Variants in MAP3K10 observed in about 807,000 individuals in gnomAD.
The protein encoded by MAP3K10 is MKN28 derived nonreceptor_type serine/threonine kinase.
Under a neutral mutation model 75.0 loss-of-function variants are expected in MAP3K10, and 22 were observed. The ratio of observed to expected loss-of-function variants is 0.29; its 90% confidence interval spans 0.21 to 0.42. The LOEUF (loss-of-function observed/expected upper bound fraction) is 0.42. Among genes scored for constraint, MAP3K10 ranks in the 10% least tolerant of loss-of-function variants. MAP3K10 has a pLI of 1.00. For missense variants in MAP3K10, 1,165 were observed against 1,379.8 expected (o/e 0.84, Z 2.47); for synonymous variants, 599 against 612.9 (o/e 0.98, Z 0.34).
At position 40,192,869 on chromosome 19, in the gene MAP3K10, T is replaced by G. The variant is rs954970047; in HGVS notation, c.682+156T>G. ...TTCAGGGTGAAGGTGAGGTAGGCCT[T>G]GCCTGCCTTAAGGGAGAAAAAGGAG... On this transcript the variant is annotated intron_variant, in intron 1 of 9. Transcript: ENST00000253055. The surrounding 1 kb of genome is among the most constrained non-coding windows in gnomAD (Gnocchi z 7.1). Among the ~76,000 whole-genome samples the G allele has an allele frequency of 6.6e-6, 1 of 152,178 alleles. No individual in the cohort carries two copies. The highest frequency in any genetic ancestry group is 1.5e-5 in the Non-Finnish European group (1 of 68,024).
At chr19:40,201,702 C>T (rs958866631) in intron 2 of MAP3K10, among the ~76,000 whole-genome samples, 1 of 151,388 alleles carries the variant, frequency 6.6e-6, no homozygotes, top group Admixed American at 6.6e-5. Context: ...ACGCTGGTCT[C>T]GATCTCTTGG....
chr19:40,200,909 C>T (rs1261370670), intron 2 of MAP3K10, among the ~76,000 whole-genome samples: 5 of 151,794 alleles, frequency 3.3e-5, no homozygotes, highest in African/African-American at 4.8e-5. Flanking sequence ...TGCACCCGGC[C>T]GGGCAGGCTA....
Position 40,213,939 on chromosome 19 carries a change from G to A in MAP3K10, c.2260G>A (p.Asp754Asn). 3 of 1,529,576 alleles carry A rather than the reference G, an allele frequency of 2.0e-6. No homozygotes were observed. Among genetic ancestry groups the A allele is most frequent in the Middle Eastern group, 1.7e-4 (1 of 5,876 alleles). The allele number at this position is 1,529,576 out of a possible 1,614,324, so 94.8% of individuals were successfully genotyped here. ...ATLVSLSSVS[D>N]CNSTRSLLRS... ...CCTCGTGTCGCTGTCGTCCGTGTCC[G>A]ACTGCAACTCCACGCGTTCACTGCT... The change falls in exon 9 of 10, where the codon GAC becomes AAC. Residue 754 changes from aspartate to asparagine, a missense_variant. By Grantham distance (23) the Asp-to-Asn change is conservative. Transcript: ENST00000253055. The surrounding 1 kb of genome is among the most constrained non-coding windows in gnomAD (Gnocchi z 5.7).
In MAP3K10 at chr19:40,215,490, G is replaced by T; in HGVS notation, c.*198G>T. ...AGCCCTGTGCCCACCCTGCACTGGGGGGAGGGTGGGCAGGGATACTCAGGG... is the reference window on the plus strand; with the variant it reads ...AGCCCTGTGCCCACCCTGCACTGGGTGGAGGGTGGGCAGGGATACTCAGGG... On this transcript the variant is annotated 3_prime_UTR_variant, in exon 10 of 10. Coordinates refer to ENST00000253055, the MANE Select transcript of MAP3K10 (RefSeq NM_002446.4). 3.4e-6 allele frequency: 2 copies of T among 595,758 alleles called. No individual in the cohort carries two copies. Among genetic ancestry groups the T allele is most frequent in the Non-Finnish European group, 5.9e-6 (2 of 338,778 alleles). 36.9% of individuals were successfully genotyped at this position (595,758 alleles called of 1,614,324 possible). A position where few individuals can be genotyped will look rare whatever the true frequency, so the allele number is the denominator to read the frequency against.
chr19:40,202,461 G>C (rs905981921), intron 2 of MAP3K10, among the ~76,000 whole-genome samples: 9 of 152,184 alleles, frequency 5.9e-5, no homozygotes, highest in African/African-American at 1.9e-4. Context: ...GAAGCAAGAA[G>C]CCTTGCCTGT....
rs149749411 is a variant in MAP3K10, at chr19:40,204,596, C to T, written c.975C>T (p.Pro325=). The change falls in exon 3 of 10, where the codon CCC becomes CCT. Residue 325 remains proline (P), a synonymous_variant. Transcript: ENST00000253055. This position sits in a 1 kb window ranked among gnomAD's most constrained non-coding sequence, Gnocchi z 4.3. ...TGAATAAGCTGACGCTGCCCATTCC[C>T]TCCACGTGCCCCGAGCCCTTTGCCC... is the stretch of plus-strand genomic sequence containing the variant. The part of the protein sequence containing the change: ...VAMNKLTLPI[P]STCPEPFARL... The T allele has an allele frequency of 7.1e-5, 114 of 1,613,156 alleles. No individual in the cohort carries two copies. The highest frequency in any genetic ancestry group is 9.4e-5 in the Non-Finnish European group (111 of 1,179,638).
At chr19:40,209,504 C>T (rs1222551245) in intron 6 of MAP3K10, among the ~76,000 whole-genome samples, 1 of 151,832 alleles carries the variant, frequency 6.6e-6, no homozygotes, top group Non-Finnish European at 1.5e-5. Context: ...CCTCCGCCTC[C>T]TGGGTTCCAG....
chr19:40,199,537 T>C (rs1456042312), intron 2 of MAP3K10, among the ~76,000 whole-genome samples: 1 of 152,110 alleles, frequency 6.6e-6, no homozygotes, highest in Non-Finnish European at 1.5e-5. Context: ...GTGAGCATGG[T>C]GTGTCCCAGA....
At position 40,192,097 on chromosome 19, in the gene MAP3K10, C is replaced by T. The variant is rs1235401994; in HGVS notation, c.66C>T (p.Thr22=). Residue 22 remains threonine (T), a synonymous_variant, in exon 1 of 10, where the codon ACC becomes ACT. Coordinates refer to ENST00000253055, the MANE Select transcript of MAP3K10 (RefSeq NM_002446.4). This position sits in a 1 kb window ranked among gnomAD's most constrained non-coding sequence, Gnocchi z 7.1. ...WGTTPAGPVW[T]AVFDYEAAGD... ...CGACCCCCGCGGGGCCCGTCTGGACCGCGGTGTTCGACTACGAGGCGGCGG... is the reference window on the plus strand; with the variant it reads ...CGACCCCCGCGGGGCCCGTCTGGACTGCGGTGTTCGACTACGAGGCGGCGG... 2 of 1,548,952 alleles carry T rather than the reference C, an allele frequency of 1.3e-6. No homozygotes were observed. The highest frequency in any genetic ancestry group is 8.7e-7 in the Non-Finnish European group (1 of 1,150,882).
rs1030629391 is a variant in MAP3K10 at position 40,212,365 on chromosome 19, G to A, written c.1553-440G>A. 6.6e-6 allele frequency among the ~76,000 whole-genome samples: 1 copy of A among 152,158 alleles called. No homozygotes were observed. The highest frequency in any genetic ancestry group is 1.9e-4 in the East Asian group (1 of 5,198). ...ACCTGCTTTGTACCAGGCCCAGGAGGTCAGTCCTGCAGGGGACACAGAGAC... is the reference window on the plus strand; with the variant it reads ...ACCTGCTTTGTACCAGGCCCAGGAGATCAGTCCTGCAGGGGACACAGAGAC... On this transcript the variant is annotated intron_variant, in intron 6 of 9. Transcript: ENST00000253055. The surrounding 1 kb of genome is among the most constrained non-coding windows in gnomAD (Gnocchi z 4.2).
chr19:40,209,475 C>A (rs1406786468), intron 6 of MAP3K10, among the ~76,000 whole-genome samples: 1 of 149,954 alleles, frequency 6.7e-6, no homozygotes, highest in African/African-American at 2.5e-5. Flanking sequence ...TGCAGTGGTG[C>A]AATCTTAGCT....
rs1194591708 is a variant in MAP3K10 at position 40,212,132 on chromosome 19, A to G, written c.1553-673A>G. On this transcript the variant is annotated intron_variant, in intron 6 of 9. Transcript: ENST00000253055. The surrounding 1 kb of genome is among the most constrained non-coding windows in gnomAD (Gnocchi z 4.2). The stretch of plus-strand genomic sequence containing the variant: ...TTCCCTCTGGCTGCTGTAAGAAATA[A>G]AGGTGGAGAAAGCAGTGAGATGATG... Among the ~76,000 whole-genome samples, 1 of 152,188 alleles carries G rather than the reference A, an allele frequency of 6.6e-6. No homozygotes were observed. Among genetic ancestry groups the G allele is most frequent in the Non-Finnish European group, 1.5e-5 (1 of 68,022 alleles).
In MAP3K10 at chr19:40,214,058, C is replaced by T. The variant is rs890935904; in HGVS notation, c.2379C>T (p.Pro793=). 7 of 1,548,512 alleles carry T rather than the reference C, an allele frequency of 4.5e-6. No homozygotes were observed. The Admixed American group carries it at 1.1e-4, about 25-fold the overall frequency. ...CCACGCCCTCGCCCAGCACCAACCC[C>T]CTGGTGGACCTGGAGCTGGAGAGCT... ...PTPTPSPSTN[P]LVDLELESFK... is the part of the protein sequence containing the mutation. The change falls in exon 9 of 10, where the codon CCC becomes CCT. Residue 793 remains proline (P), a synonymous_variant. Coordinates refer to ENST00000253055, the MANE Select transcript of MAP3K10 (RefSeq NM_002446.4).
chr19:40,214,534 G>A (rs950004798), intron 9 of MAP3K10, among the ~76,000 whole-genome samples: 1 of 152,136 alleles, frequency 6.6e-6, no homozygotes, highest in Non-Finnish European at 1.5e-5. Context: ...TGGGAGATGC[G>A]GCCATAGCAG....
Position 40,198,471 on chromosome 19 carries a change from A to G in MAP3K10, c.779A>G (p.Lys260Arg). 6.2e-7 allele frequency: 1 copy of G among 1,614,218 alleles called. No homozygotes were observed. Among genetic ancestry groups the G allele is most frequent in the East Asian group, 2.2e-5 (1 of 44,886 alleles). Residue 260 changes from lysine (K) to arginine (R), a missense_variant, in exon 2 of 10, where the codon AAG becomes AGG. Lys to Arg is a conservative substitution (Grantham distance 26). Transcript: ENST00000253055. This position sits in a 1 kb window ranked among gnomAD's most constrained non-coding sequence, Gnocchi z 4.3. ...GLAREWHKTT[K>R]MSAAGTYAWM... is the part of the protein sequence containing the mutation. ...GCCCGCGAGTGGCACAAGACCACCA[A>G]GATGAGCGCTGCGGGGACCTACGCC...
Position 40,196,825 on chromosome 19 carries a change from G to T in MAP3K10, c.683-1550G>T, listed in dbSNP as rs116170117. Among the ~76,000 whole-genome samples the T allele has an allele frequency of 6.3e-3, 963 of 152,174 alleles. 11 individuals carry two copies. The highest frequency in any genetic ancestry group is 0.022 in the African/African-American group (908 of 41,484). On this transcript the variant is annotated intron_variant, in intron 1 of 9. Coordinates refer to ENST00000253055, the MANE Select transcript of MAP3K10 (RefSeq NM_002446.4). ...TGAGCCACTGCTCCTGGCCAACCCT[G>T]TCTCTTTAAAAAAATAAAAAAGGGC...
rs2145074541 is a variant in MAP3K10, at chr19:40,198,844, G to A, written c.863+289G>A. ...GCACTTTGGGAGGCCGAGGTGGGCGGATCACTTGAGGTCAGGAGTTTGAGA... is the reference window on the plus strand; with the variant it reads ...GCACTTTGGGAGGCCGAGGTGGGCGAATCACTTGAGGTCAGGAGTTTGAGA... On this transcript the variant is annotated intron_variant, in intron 2 of 9. Coordinates refer to ENST00000253055, the MANE Select transcript of MAP3K10 (RefSeq NM_002446.4). The surrounding 1 kb of genome is among the most constrained non-coding windows in gnomAD (Gnocchi z 4.3). Among the ~76,000 whole-genome samples, 1 of 152,362 alleles carries A rather than the reference G, an allele frequency of 6.6e-6. No individual in the cohort carries two copies. The highest frequency in any genetic ancestry group is 2.1e-4 in the South Asian group (1 of 4,830).
At position 40,215,032 on chromosome 19, in the gene MAP3K10, C is replaced by G; in HGVS notation, c.2605C>G (p.Arg869Gly). 6.2e-7 allele frequency: 1 copy of G among 1,603,392 alleles called. No individual in the cohort carries two copies. Residue 869 changes from arginine (R) to glycine (G), a missense_variant, in exon 10 of 10, where the codon CGC becomes GGC. Arg to Gly is a moderately radical substitution (Grantham distance 125). Around this residue, in one of 2 missense-constraint regions of MAP3K10, gnomAD observed 590 missense variants for 586.6 expected, o/e 1.01. Transcript: ENST00000253055. Reference protein sequence around the residue: ...PDPQALFPARRRPPEFPGRPT... With the variant: ...PDPQALFPARGRPPEFPGRPT... ...CCCCCAGGCCCTGTTCCCAGCCCGC[C>G]GCCGGCCCCCTGAGTTCCCAGGCCG...
In MAP3K10 at chr19:40,192,810, T is replaced by C; in HGVS notation, c.682+97T>C. 1.0e-6 allele frequency: 1 copy of C among 976,362 alleles called. No individual in the cohort carries two copies. The highest frequency in any genetic ancestry group is 1.5e-6 in the Non-Finnish European group (1 of 684,934). 60.5% of individuals were successfully genotyped at this position (976,362 alleles called of 1,614,324 possible). On this transcript the variant is annotated intron_variant, in intron 1 of 9. Coordinates refer to ENST00000253055, the MANE Select transcript of MAP3K10 (RefSeq NM_002446.4). This position sits in a 1 kb window ranked among gnomAD's most constrained non-coding sequence, Gnocchi z 7.1. ...GGGTGAGGGACACCAGATGACACTG[T>C]GCCTGGAGTGAGAAGGGGCAGCAGT...
Sources: allele counts gnomAD v4.1 joint callset (sites outside exome capture counted in the v4.1 genomes callset), GRCh38; gene constraint gnomAD v4.1.1; regional missense constraint gnomAD v4.1.1; non-coding constraint Gnocchi (gnomAD v3.1); transcripts MANE v1.5; gene names NCBI Gene and HGNC (gene_info 2026-07-23, HGNC 2026-07-21).